EPB41L4A: variants seen among roughly 807,000 people sequenced by gnomAD.
The protein encoded by EPB41L4A is erythrocyte membrane protein band 4.1 like 4A, also known as band 4.1-like protein 4A.
In EPB41L4A, 100 loss-of-function variants were observed where a neutral mutation model predicts 108.6. The ratio of observed to expected loss-of-function variants is 0.92; its 90% CI spans 0.78 to 1.09. The LOEUF (loss-of-function observed/expected upper bound fraction) is 1.09, where lower values mean the gene tolerates loss of function less well. Among genes scored for constraint, EPB41L4A ranks in the 50% least tolerant of loss-of-function variants. The pLI is 0.00. For missense variants in EPB41L4A, 1,030 were observed against 842.7 expected (o/e 1.22, Z -2.75); for synonymous variants, 319 against 289.0 (o/e 1.10, Z -1.05).
chr5:112,247,375 C>A (rs1268632846), intron 9 of EPB41L4A, among the ~76,000 whole-genome samples: 1 of 152,104 alleles, frequency 6.6e-6, no homozygotes, highest in East Asian at 1.9e-4. Context: ...AAAGATCAGA[C>A]CAGGACAGGC....
chr5:112,313,419 G>A (rs905401967), intron 1 of EPB41L4A, among the ~76,000 whole-genome samples: 1 of 151,996 alleles, frequency 6.6e-6, no homozygotes, highest in Non-Finnish European at 1.5e-5. Flanking sequence ...GTGAAACCCC[G>A]TCTCTACTAA....
At chr5:112,360,687 G>A (rs1758671350) in intron 1 of EPB41L4A, among the ~76,000 whole-genome samples, 1 of 152,226 alleles carries the variant, frequency 6.6e-6, no homozygotes, top group Non-Finnish European at 1.5e-5. Flanking sequence ...CCTCTGCCCG[G>A]CTGCCACCCC....
intron 7 of EPB41L4A, among the ~76,000 whole-genome samples, chr5:112,261,249 A>G (rs1751464795): frequency 6.6e-6 from 1 of 152,224 alleles, no homozygotes; most frequent in Non-Finnish European, 1.5e-5. Context: ...TTAAACAGGA[A>G]TGCTTCTAAC....
chr5:112,268,514 T>C (rs1021788894), intron 4 of EPB41L4A, among the ~76,000 whole-genome samples: 1 of 152,162 alleles, frequency 6.6e-6, no homozygotes, highest in African/African-American at 2.4e-5. Flanking sequence ...TTTCCTGAAG[T>C]GTATTTTTTT....
At chr5:112,316,863 C>T (rs1755459931) in intron 1 of EPB41L4A, among the ~76,000 whole-genome samples, 1 of 152,196 alleles carries the variant, frequency 6.6e-6, no homozygotes, top group South Asian at 2.1e-4. Context: ...GACACCTCAC[C>T]TGAGATGGCT....
At chr5:112,272,418 A>G (rs911706247) in intron 4 of EPB41L4A, among the ~76,000 whole-genome samples, 2 of 151,668 alleles carry the variant, frequency 1.3e-5, no homozygotes, top group African/African-American at 4.8e-5. Context: ...TGGGATTACA[A>G]GCGTGAGCCA....
At chr5:112,210,304 T>C (rs1043461576) in intron 12 of EPB41L4A, among the ~76,000 whole-genome samples, 1 of 152,212 alleles carries the variant, frequency 6.6e-6, no homozygotes, top group Non-Finnish European at 1.5e-5. Context: ...TTTAGTACCA[T>C]ATATTAGAAT....
At chr5:112,306,363 T>A (rs1754678784) in intron 2 of EPB41L4A, among the ~76,000 whole-genome samples, 1 of 152,122 alleles carries the variant, frequency 6.6e-6, no homozygotes, top group Admixed American at 6.6e-5. Flanking sequence ...GTTATTCCTT[T>A]CTATGCAAAG....
intron 7 of EPB41L4A, among the ~76,000 whole-genome samples, chr5:112,260,294 T>G (rs1033803549): frequency 6.6e-6 from 1 of 152,224 alleles, no homozygotes; most frequent in Non-Finnish European, 1.5e-5. Context: ...TAGCAACATA[T>G]TAACTGGAAT....
At chr5:112,235,883 A>T (rs1749297420) in intron 11 of EPB41L4A, among the ~76,000 whole-genome samples, 1 of 152,220 alleles carries the variant, frequency 6.6e-6, no homozygotes, top group Non-Finnish European at 1.5e-5. Flanking sequence ...GGAGAGGAGC[A>T]AACTGACAGA....
chr5:112,157,447 C>G (rs749887847), intron 12 of EPB41L4A, among the ~76,000 whole-genome samples: 1 of 151,954 alleles, frequency 6.6e-6, no homozygotes, highest in South Asian at 2.1e-4. Context: ...GCTACCATAA[C>G]AAATTAACAC....
intron 12 of EPB41L4A, among the ~76,000 whole-genome samples, chr5:112,211,639 G>T (rs1762751004): frequency 6.7e-6 from 1 of 149,940 alleles, no homozygotes; most frequent in South Asian, 2.1e-4. Flanking sequence ...TCAATGAGAA[G>T]AACACTTCAG....
At chr5:112,285,119 G>C (rs1181364205) in intron 2 of EPB41L4A, among the ~76,000 whole-genome samples, 1 of 152,112 alleles carries the variant, frequency 6.6e-6, no homozygotes, top group East Asian at 1.9e-4. Context: ...ATGAAATAAT[G>C]AGAGTTTGCT....
chr5:112,209,461 T>C (rs1355332157), intron 13 of EPB41L4A, among the ~76,000 whole-genome samples: 1 of 152,238 alleles, frequency 6.6e-6, no homozygotes, highest in Non-Finnish European at 1.5e-5. Context: ...TCTGAGGATC[T>C]GATGCCTCTA....
intron 7 of EPB41L4A, among the ~76,000 whole-genome samples, chr5:112,260,459 G>C (rs550236643): frequency 1.2e-4 from 18 of 152,320 alleles, no homozygotes; most frequent in Admixed American, 9.1e-4. Context: ...TCTATCAAGG[G>C]TGCTTTTGAA....
chr5:112,372,470 C>T (rs775271081), intron 1 of EPB41L4A, among the ~76,000 whole-genome samples: 8 of 152,224 alleles, frequency 5.3e-5, no homozygotes, highest in East Asian at 3.9e-4. Context: ...CAAACTGTTA[C>T]GGAAGGCTCT....
At chr5:112,391,301 A>C (rs1760919479) in intron 1 of EPB41L4A, among the ~76,000 whole-genome samples, 1 of 152,180 alleles carries the variant, frequency 6.6e-6, no homozygotes, top group South Asian at 2.1e-4. Flanking sequence ...GTTCCTTGCA[A>C]ACCCATCGCA....
intron 20 of EPB41L4A, among the ~76,000 whole-genome samples, chr5:112,169,487 A>G (rs1229733991): frequency 6.6e-6 from 1 of 152,182 alleles, no homozygotes; most frequent in East Asian, 1.9e-4. Flanking sequence ...CTAGCTACCA[A>G]CATTAAGAAT....
At chr5:112,291,649 C>G (rs1753651340) in intron 2 of EPB41L4A, among the ~76,000 whole-genome samples, 1 of 152,148 alleles carries the variant, frequency 6.6e-6, no homozygotes, top group Admixed American at 6.5e-5. Flanking sequence ...GGAACCCTCC[C>G]CAGAGAAAGT....
Sources: allele counts gnomAD v4.1 joint callset (sites outside exome capture counted in the v4.1 genomes callset), GRCh38; gene constraint gnomAD v4.1.1; transcripts MANE v1.5; gene names NCBI Gene and HGNC (gene_info 2026-07-23, HGNC 2026-07-21).